Variants in TRPM3 observed in about 807,000 individuals in gnomAD.
TRPM3 encodes the protein long transient receptor potential channel 3.
A neutral mutation model predicts 181.2 loss-of-function variants in TRPM3; 77 were observed. The observed-to-expected ratio is 0.42, with a 90% CI of 0.35 to 0.51. The LOEUF (loss-of-function observed/expected upper bound fraction) is 0.51, where lower values mean the gene tolerates loss of function less well. TRPM3 is among the 20% of genes least tolerant of loss of function. The probability of loss-of-function intolerance (pLI) is 0.01; values close to 1 mark genes in which losing one functional copy is unlikely to be tolerated. For synonymous variants in TRPM3, 745 were observed against 796.4 expected, an observed-to-expected ratio of 0.94 and a Z score of 1.09; for missense variants, 1,759 against 2,196.7, an observed-to-expected ratio of 0.80 and a Z score of 3.98.
intron 1 of TRPM3, among the ~76,000 whole-genome samples, chr9:71,118,101 A>C (rs945444506): frequency 1.3e-5 from 2 of 152,212 alleles, no homozygotes; most frequent in Non-Finnish European, 2.9e-5. Flanking sequence ...ATAAGAATAA[A>C]GCAAACGACA....
At chr9:70,588,100 G>T (rs762060310) in intron 22 of TRPM3, among the ~76,000 whole-genome samples, 14 of 152,124 alleles carry the variant, frequency 9.2e-5, no homozygotes, top group Admixed American at 2.6e-4. Flanking sequence ...GAGGTGAAAA[G>T]CACCTAAATT....
rs536961429 is a variant in TRPM3, at chr9:70,844,444, ACAAAC to A, written c.677-1322_677-1318del. On this transcript the variant is annotated intron_variant, in intron 4 of 25. Transcript: ENST00000677713. ...GAGAACTGGTAAAACAAACAAACAA[ACAAAC>A]AAACAAAAACAGACCCGAACCAAAA... 6.6e-3 allele frequency among the ~76,000 whole-genome samples: 1,005 copies of A among 152,222 alleles called. 3 individuals are homozygous for A. Among genetic ancestry groups the A allele is most frequent in the South Asian group, 0.017 (83 of 4,818 alleles).
chr9:70,930,200 G>A (rs1289473374), intron 1 of TRPM3, among the ~76,000 whole-genome samples: 1 of 152,122 alleles, frequency 6.6e-6, no homozygotes, highest in African/African-American at 2.4e-5. Flanking sequence ...GCTCAGTTTA[G>A]TAGTTAGAAA....
chr9:71,385,947 T>C (rs536559663), intron 1 of TRPM3, among the ~76,000 whole-genome samples: 1 of 151,742 alleles, frequency 6.6e-6, no homozygotes, highest in African/African-American at 2.4e-5. Flanking sequence ...CCTCAAGCGA[T>C]CCACCCACCT....
At chr9:70,537,749 A>G (rs1195359340) in intron 25 of TRPM3, among the ~76,000 whole-genome samples, 2 of 152,172 alleles carry the variant, frequency 1.3e-5, no homozygotes, top group Admixed American at 1.3e-4. Flanking sequence ...GAGTGGGGCC[A>G]AGTCCACCAT....
chr9:70,811,225 A>G, intron 6 of TRPM3: 3 of 1,611,956 alleles, frequency 1.9e-6, no homozygotes, highest in Non-Finnish European at 2.5e-6. Flanking sequence ...GGGAGTCAAG[A>G]GAGAAAAACG....
chr9:71,393,752 G>T (rs2093121074), intron 1 of TRPM3, among the ~76,000 whole-genome samples: 1 of 152,056 alleles, frequency 6.6e-6, no homozygotes, highest in Admixed American at 6.6e-5. Flanking sequence ...TCTAAAGATG[G>T]CCTCAGGGTA....
rs2131582791 is a variant in TRPM3, at chr9:70,536,770, G to A, written c.4343C>T (p.Pro1448Leu). The change falls in exon 26 of 26, where the codon CCT becomes CTT. Residue 1448 changes from proline to leucine, a missense_variant. This residue lies in a region of TRPM3 where 612 missense variants were observed against 590.0 expected (regional missense o/e 1.04). Transcript: ENST00000677713. ...GGCACTACTTGAAGGGGCTGTGGAA[G>A]GTACTGGAGTTGAAAAGCTTGGCTC... is the stretch of plus-strand genomic sequence containing the variant. ...LGEPSFSTPV[P>L]STAPSSSAYA... is the part of the protein sequence containing the mutation. 4 of 1,614,092 alleles carry A rather than the reference G, an allele frequency of 2.5e-6. No homozygotes were observed. The East Asian group carries it at 6.7e-5, about 27-fold the overall frequency.
intron 1 of TRPM3, among the ~76,000 whole-genome samples, chr9:71,248,801 CA>C (rs1414095278): frequency 4.5e-4 from 68 of 152,236 alleles, no homozygotes; most frequent in African/African-American, 1.5e-3. Flanking sequence ...CCTCCCTGAG[CA>C]TCATGATCAT....
chr9:70,783,580 C>A (rs2082939600), intron 7 of TRPM3, among the ~76,000 whole-genome samples: 1 of 152,066 alleles, frequency 6.6e-6, no homozygotes, highest in Non-Finnish European at 1.5e-5. Context: ...TACAAAGGAC[C>A]AGAGTAGTTA....
chr9:70,989,590 AG>A (rs746596754), intron 1 of TRPM3, among the ~76,000 whole-genome samples: 1 of 152,114 alleles, frequency 6.6e-6, no homozygotes, highest in Non-Finnish European at 1.5e-5. Context: ...GGTAGGATGG[AG>A]GTTACGGTGT....
intron 1 of TRPM3, among the ~76,000 whole-genome samples, chr9:70,881,018 C>T (rs944142635): frequency 6.6e-6 from 1 of 152,102 alleles, no homozygotes; most frequent in Admixed American, 6.6e-5. Context: ...GGACTATGGT[C>T]AGCATTGATA....
intron 1 of TRPM3, among the ~76,000 whole-genome samples, chr9:70,909,620 G>A (rs2096516759): frequency 6.6e-6 from 1 of 152,116 alleles, no homozygotes; most frequent in East Asian, 1.9e-4. Context: ...TGGGGGTGGA[G>A]GGGCATGCAC....
At chr9:71,025,294 A>T (rs2097885372) in intron 1 of TRPM3, among the ~76,000 whole-genome samples, 1 of 152,312 alleles carries the variant, frequency 6.6e-6, no homozygotes, top group South Asian at 2.1e-4. Context: ...GCTCTAAAAC[A>T]TCTACAGACT....
intron 1 of TRPM3, among the ~76,000 whole-genome samples, chr9:71,204,346 G>A (rs1454255490): frequency 6.6e-6 from 1 of 151,856 alleles, no homozygotes; most frequent in Non-Finnish European, 1.5e-5. Flanking sequence ...AATCTACAAT[G>A]AACTCAAACA....
In TRPM3 at chr9:70,535,584, G is replaced by A; in HGVS notation, c.*369C>T. ...CTGCATCCTACAACTCTTGATAATGGTCAGAAATCAACAGATGCCTCCTGG... is the reference window on the plus strand; with the variant it reads ...CTGCATCCTACAACTCTTGATAATGATCAGAAATCAACAGATGCCTCCTGG... On this transcript the variant is annotated 3_prime_UTR_variant, in exon 26 of 26. Coordinates refer to ENST00000677713, the MANE Select transcript of TRPM3 (RefSeq NM_001366145.2). 6.6e-7 allele frequency: 1 copy of A among 1,509,566 alleles called. No homozygotes were observed. The highest frequency in any genetic ancestry group is 8.8e-7 in the Non-Finnish European group (1 of 1,132,768). 93.5% of individuals were successfully genotyped at this position (1,509,566 alleles called of 1,614,324 possible). A position where few individuals can be genotyped will look rare whatever the true frequency, so the allele number is the denominator to read the frequency against.
At chr9:70,545,548 CTTTTTT>C (rs5898150) in intron 25 of TRPM3, among the ~76,000 whole-genome samples, 1,609 of 113,346 alleles carry the variant, frequency 0.014, 55 homozygotes, top group African/African-American at 0.048. Context: ...AATTTTCTTT[CTTTTTT>C]TTTTTTTTTT....
intron 1 of TRPM3, among the ~76,000 whole-genome samples, chr9:70,915,525 T>C (rs1319780272): frequency 6.6e-6 from 1 of 151,716 alleles, no homozygotes; most frequent in Non-Finnish European, 1.5e-5. Flanking sequence ...CAGGATGGTC[T>C]TGATCTCCTG....
intron 1 of TRPM3, among the ~76,000 whole-genome samples, chr9:71,195,826 G>A (rs1019982451): frequency 2.0e-5 from 3 of 151,954 alleles, no homozygotes; most frequent in African/African-American, 7.2e-5. Flanking sequence ...ACAGAGCTAA[G>A]GGCCATTATC....
Sources: gnomAD v4.1 joint callset for allele counts (sites outside exome capture counted in the v4.1 genomes callset) on GRCh38, gnomAD v4.1.1 for gene constraint, gnomAD v4.1.1 regional missense constraint, MANE v1.5 for transcripts, NCBI Gene and HGNC (gene_info 2026-07-23, HGNC 2026-07-21) for gene names.